Variants in EED observed in about 807,000 individuals in gnomAD.
EED encodes the protein embryonic ectoderm development, also known as polycomb protein EED.
In EED, 9 loss-of-function variants were observed where a neutral mutation model predicts 61.0. The ratio of observed to expected loss-of-function variants is 0.15; its 90% CI spans 0.09 to 0.26. EED has a LOEUF of 0.26. Among genes scored for constraint, EED ranks in the 10% least tolerant of loss-of-function variants. EED has a pLI of 1.00. For synonymous variants in EED, 187 were observed against 174.4 expected (o/e 1.07, Z -0.57); for missense variants, 315 against 542.3 (o/e 0.58, Z 4.16).
chr11:86,247,415 C>G (rs1945417922), intron 1 of EED, among the ~76,000 whole-genome samples: 1 of 152,176 alleles, frequency 6.6e-6, no homozygotes, highest in African/African-American at 2.4e-5. Flanking sequence ...TAGTCCTATA[C>G]TATATGTACT....
At chr11:86,282,816 C>A (rs1201598568), downstream of EED, among the ~76,000 whole-genome samples, 1 of 152,070 alleles carries the variant, frequency 6.6e-6, no homozygotes, top group East Asian at 1.9e-4. Context: ...TGGCTGTGTA[C>A]CAATAAAACT....
Position 86,256,389 on chromosome 11 carries a change from T to C in EED, c.429T>C (p.Ala143=). The C allele has an allele frequency of 2.5e-6, 4 of 1,569,494 alleles. No homozygotes were observed. The highest frequency in any genetic ancestry group is 2.6e-6 in the Non-Finnish European group (3 of 1,155,280). ...RLLQSYVDAD[A]DENFYTCAWT... is the part of the protein sequence containing the mutation. Reference sequence around the variant, plus strand: ...TTCTTAACTGTGGAATTTCTTAGGCTGATGAAAACTTTTACACTTGTGCAT... The same window carrying C: ...TTCTTAACTGTGGAATTTCTTAGGCCGATGAAAACTTTTACACTTGTGCAT... The change falls in exon 5 of 12, where the codon GCT becomes GCC. Residue 143 remains alanine, a splice_region_variant and synonymous_variant. Coordinates refer to ENST00000263360, the MANE Select transcript of EED (RefSeq NM_003797.5).
In EED at chr11:86,244,858, T is replaced by G; in HGVS notation, c.-372T>G. ...AGGAAGGGGGTGAGGGAGCATCCCTTTGAGTTTCGCCTCTTCTCGAGGCGG... is the reference window on the plus strand; with the variant it reads ...AGGAAGGGGGTGAGGGAGCATCCCTGTGAGTTTCGCCTCTTCTCGAGGCGG... On this transcript the variant is annotated 5_prime_UTR_variant, in exon 1 of 12. Transcript: ENST00000263360. The G allele has an allele frequency of 6.3e-5, 15 of 238,054 alleles. No homozygotes were observed. Among genetic ancestry groups the G allele is most frequent in the East Asian group, 1.3e-4 (2 of 15,768 alleles). 14.7% of individuals were successfully genotyped at this position (238,054 alleles called of 1,614,324 possible).
intron 4 of EED, 24 bp downstream of exon 4, chr11:86,255,311 A>T (rs371826186): frequency 1.9e-6 from 3 of 1,567,304 alleles, no homozygotes; most frequent in Non-Finnish European, 1.7e-6. Context: ...GGTTTTTAAT[A>T]TCTTTAGTCA....
chr11:86,245,436 G>A (rs2291813), intron 1 of EED, 93 bp downstream of exon 1: 3 of 1,057,136 alleles, frequency 2.8e-6, no homozygotes, highest in Non-Finnish European at 4.2e-6. Context: ...GCTGCTGTGG[G>A]GGGAGGGAGA....
chr11:86,255,386 G>T (rs1343566495), intron 4 of EED, 99 bp downstream of exon 4: 4 of 990,540 alleles, frequency 4.0e-6, no homozygotes, highest in African/African-American at 1.6e-5. Context: ...TAAAGTTATT[G>T]TTCTTTCTTA....
intron 9 of EED, 62 bp downstream of exon 9, chr11:86,268,623 G>GTGTGTGTA (rs1555179215): frequency 2.9e-6 from 3 of 1,050,228 alleles, no homozygotes; most frequent in African/African-American, 1.6e-5. Flanking sequence ...GTGTGTGTGT[G>GTGTGTGTA]TGTATGTGTG....
chr11:86,253,147 A>C (rs777895313), intron 3 of EED, among the ~76,000 whole-genome samples: 3 of 152,226 alleles, frequency 2.0e-5, no homozygotes, highest in African/African-American at 4.8e-5. Context: ...TTACCACTGA[A>C]GTTGATAACA....
chr11:86,257,684 A>G (rs1945713246), intron 6 of EED, 88 bp downstream of exon 6: 1 of 1,064,292 alleles, frequency 9.4e-7, no homozygotes, highest in Admixed American at 2.7e-5. Flanking sequence ...GACAAATAGG[A>G]AAAACCATGA....
chr11:86,259,483 G>A (rs1251099285), intron 6 of EED, among the ~76,000 whole-genome samples: 20 of 152,098 alleles, frequency 1.3e-4, no homozygotes, highest in Non-Finnish European at 2.9e-5. Flanking sequence ...GGCTAATTTT[G>A]TAAAAAATGT....
At chr11:86,260,873 T>C (rs1945808884) in intron 6 of EED, among the ~76,000 whole-genome samples, 1 of 152,188 alleles carries the variant, frequency 6.6e-6, no homozygotes, top group Admixed American at 6.5e-5. Context: ...TAGTCCACTT[T>C]AACCTGGCAT....
At chr11:86,248,294 G>C (rs955337958) in intron 1 of EED, among the ~76,000 whole-genome samples, 1 of 152,194 alleles carries the variant, frequency 6.6e-6, no homozygotes, top group Non-Finnish European at 1.5e-5. Flanking sequence ...ATCTTGATTT[G>C]CCTTGGGAGG....
chr11:86,255,125 A>T, intron 3 of EED, 97 bp from the exon 4 acceptor site: 1 of 946,550 alleles, frequency 1.1e-6, no homozygotes. Context: ...TCTGTAGTAT[A>T]TTTAAGATAG....
chr11:86,258,649 G>T (rs986679776), intron 6 of EED, among the ~76,000 whole-genome samples: 1 of 149,582 alleles, frequency 6.7e-6, no homozygotes, highest in South Asian at 2.1e-4. Context: ...TCTGCCTCCC[G>T]GGTTTAAGAG....
At chr11:86,272,342 G>T (rs1023559509) in intron 9 of EED, among the ~76,000 whole-genome samples, 2 of 151,920 alleles carry the variant, frequency 1.3e-5, no homozygotes, top group African/African-American at 4.8e-5. Context: ...ACAGGCGTGA[G>T]CCACCGCGCC....
In EED at chr11:86,252,255, G is replaced by A. The variant is rs777764492; in HGVS notation, c.360+15G>A. 3 of 1,556,474 alleles carry A rather than the reference G, an allele frequency of 1.9e-6. No individual in the cohort carries two copies. The highest frequency in any genetic ancestry group is 1.8e-6 in the Non-Finnish European group (2 of 1,137,688). On this transcript the variant is annotated intron_variant, in intron 3 of 11. Transcript: ENST00000263360. ...GAAGCAACAGAGTGAGTGTTAAGGG[G>A]TCTATTTAGTATTTGGCTTGATTTC...
chr11:86,253,445 C>T (rs909620867), intron 3 of EED, among the ~76,000 whole-genome samples: 7 of 152,128 alleles, frequency 4.6e-5, no homozygotes, highest in Non-Finnish European at 7.3e-5. Context: ...GTGCTGATTG[C>T]AGTGTTTTAG....
chr11:86,258,991 C>T (rs1286962953), intron 6 of EED, among the ~76,000 whole-genome samples: 5 of 151,874 alleles, frequency 3.3e-5, no homozygotes, highest in Non-Finnish European at 7.4e-5. Flanking sequence ...CTGACCCTCC[C>T]GAGTAGCTGG....
At chr11:86,286,100 G>A in the EED span, among the ~76,000 whole-genome samples, 3 of 151,670 alleles carry the variant, frequency 2.0e-5, 1 homozygote, top group African/African-American at 7.3e-5. Context: ...GTGCAATCTC[G>A]GCTCACTGCA....
Sources: allele counts gnomAD v4.1 joint callset (sites outside exome capture counted in the v4.1 genomes callset), GRCh38; gene constraint gnomAD v4.1.1; transcripts MANE v1.5; gene names NCBI Gene and HGNC (gene_info 2026-07-23, HGNC 2026-07-21).